Variants in VWC2 observed in about 807,000 individuals in gnomAD.
The protein encoded by VWC2 is von Willebrand factor C domain containing 2.
Under a neutral mutation model 29.8 loss-of-function variants are expected in VWC2, and 14 were observed. That is an observed-to-expected ratio of 0.47 (90% CI 0.31 to 0.74). The LOEUF (loss-of-function observed/expected upper bound fraction) is 0.74, where lower values mean the gene tolerates loss of function less well. Ranked by LOEUF, VWC2 falls within the 30% of genes least tolerant of loss-of-function variation. The pLI, the probability that VWC2 is intolerant of heterozygous loss-of-function variation, is 0.05. For synonymous variants in VWC2, 213 were observed against 199.0 expected (o/e 1.07, Z -0.59); for missense variants, 457 against 459.8 (o/e 0.99, Z 0.05).
chr7:49,884,305 A>G (rs1583751281), intron 3 of VWC2, among the ~76,000 whole-genome samples: 4 of 152,248 alleles, frequency 2.6e-5, no homozygotes, highest in Admixed American at 1.3e-4. Context: ...CCTCCTGGCC[A>G]TAGCATGGAG....
chr7:49,858,886 T>A (rs1790536121), intron 3 of VWC2, among the ~76,000 whole-genome samples: 1 of 152,218 alleles, frequency 6.6e-6, no homozygotes, highest in Non-Finnish European at 1.5e-5. Flanking sequence ...GTTTCCTTAG[T>A]ATTCTCTTCC....
intron 3 of VWC2, among the ~76,000 whole-genome samples, chr7:49,905,779 G>A (rs1229606715): frequency 1.3e-5 from 2 of 152,136 alleles, no homozygotes; most frequent in Non-Finnish European, 2.9e-5. Context: ...CAAGAAAGAG[G>A]TCGGCTCAAG....
chr7:49,780,823 T>A (rs754391189), intron 2 of VWC2, among the ~76,000 whole-genome samples: 2 of 152,202 alleles, frequency 1.3e-5, no homozygotes, highest in Non-Finnish European at 2.9e-5. Flanking sequence ...TTGGGACCAC[T>A]GAGTTAAACC....
rs1220691094 is a variant in VWC2, at chr7:49,877,481, AATATATATATATATATATATAT to A, written c.827-34537_827-34516del. On this transcript the variant is annotated intron_variant, in intron 3 of 3. Coordinates refer to ENST00000340652, the MANE Select transcript of VWC2 (RefSeq NM_198570.5). ...CTGTCTCAAAAAAAAAAAAAAAAAA[AATATATATATATATATATATAT>A]ATATATATATATATAGTTATTTGGT... 2.8e-3 allele frequency among the ~76,000 whole-genome samples: 36 copies of A among 12,722 alleles called. 2 individuals are homozygous for A. Among genetic ancestry groups the A allele is most frequent in the Non-Finnish European group, 5.0e-3 (35 of 6,948 alleles). 8.3% of individuals were successfully genotyped at this position (12,722 alleles called of 152,430 possible).
chr7:49,838,703 A>G (rs1295013816), intron 3 of VWC2, among the ~76,000 whole-genome samples: 1 of 152,174 alleles, frequency 6.6e-6, no homozygotes, highest in Non-Finnish European at 1.5e-5. Context: ...GGGACATAGT[A>G]ATAGCTACAA....
intron 1 of VWC2, among the ~76,000 whole-genome samples, chr7:49,775,030 G>A (rs897121168): frequency 6.6e-6 from 1 of 152,198 alleles, no homozygotes; most frequent in Non-Finnish European, 1.5e-5. Flanking sequence ...TTGCAGGGGG[G>A]CGCGGGCCTG....
intron 3 of VWC2, among the ~76,000 whole-genome samples, chr7:49,829,981 C>T (rs1789488741): frequency 6.6e-6 from 1 of 152,182 alleles, no homozygotes; most frequent in Admixed American, 6.5e-5. Flanking sequence ...GTACTCAGAT[C>T]TCTATTGCTG....
chr7:49,827,750 G>A (rs962037569), intron 3 of VWC2, among the ~76,000 whole-genome samples: 4 of 151,816 alleles, frequency 2.6e-5, no homozygotes. Context: ...CTCTTTTTTA[G>A]GGGACTTCTC....
intron 3 of VWC2, among the ~76,000 whole-genome samples, chr7:49,848,392 T>C (rs544413496): frequency 1.3e-5 from 2 of 152,302 alleles, no homozygotes; most frequent in East Asian, 1.9e-4. Flanking sequence ...CGCCCTGCAG[T>C]GTGTGAGAGC....
chr7:49,842,497 G>C (rs1789821522), intron 3 of VWC2, among the ~76,000 whole-genome samples: 1 of 152,134 alleles, frequency 6.6e-6, no homozygotes, highest in Non-Finnish European at 1.5e-5. Context: ...TAAGAAACTT[G>C]TGTTGAGAGT....
At chr7:49,886,315 G>C (rs1010635871) in intron 3 of VWC2, among the ~76,000 whole-genome samples, 1 of 151,356 alleles carries the variant, frequency 6.6e-6, no homozygotes, top group Non-Finnish European at 1.5e-5. Context: ...ATTTGGAAGC[G>C]CAAAATTCAC....
chr7:49,823,871 G>A (rs1301671879), intron 3 of VWC2, among the ~76,000 whole-genome samples: 4 of 152,104 alleles, frequency 2.6e-5, no homozygotes, highest in Non-Finnish European at 4.4e-5. Context: ...TTTTCATGTT[G>A]TTGATAGCCA....
intron 3 of VWC2, among the ~76,000 whole-genome samples, chr7:49,905,423 G>A (rs1404149912): frequency 6.6e-6 from 1 of 152,064 alleles, no homozygotes; most frequent in Non-Finnish European, 1.5e-5. Context: ...TAAACAAAAA[G>A]GAAGCAAATT....
At chr7:49,784,313 C>T (rs1788247486) in intron 2 of VWC2, among the ~76,000 whole-genome samples, 2 of 152,298 alleles carry the variant, frequency 1.3e-5, no homozygotes, top group East Asian at 1.9e-4. Context: ...TCTCCATTGT[C>T]TGTCATTTCA....
chr7:49,918,578 A>G lies in VWC2; in HGVS notation c.*6393A>G, dbSNP rs1431166766. On this transcript the variant is annotated 3_prime_UTR_variant, in exon 4 of 4. Transcript: ENST00000340652. The stretch of plus-strand genomic sequence containing the variant: ...CAGGTTGTTCAGGTATGATTCTCAT[A>G]TTGAAATTTACAAAATATAACCAAA... 6.6e-6 allele frequency: 1 copy of G among 152,242 alleles called. No homozygotes were observed. The highest frequency in any genetic ancestry group is 1.5e-5 in the Non-Finnish European group (1 of 68,038). 9.4% of individuals were successfully genotyped at this position (152,242 alleles called of 1,614,324 possible).
At chr7:49,797,680 A>T (rs79879967) in intron 2 of VWC2, among the ~76,000 whole-genome samples, 2,667 of 152,250 alleles carry the variant, frequency 0.018, 32 homozygotes, top group Non-Finnish European at 0.029. Context: ...AGTAGTATTC[A>T]TCTCTCTAGC....
chr7:49,787,293 A>G (rs1788320553), intron 2 of VWC2, among the ~76,000 whole-genome samples: 1 of 152,226 alleles, frequency 6.6e-6, no homozygotes, highest in Admixed American at 6.5e-5. Context: ...TGCTTTCCTC[A>G]TATCTAGCTT....
intron 3 of VWC2, among the ~76,000 whole-genome samples, chr7:49,853,043 A>G (rs1237728972): frequency 1.3e-5 from 2 of 152,218 alleles, no homozygotes; most frequent in Admixed American, 1.3e-4. Flanking sequence ...AGCTGCACCA[A>G]GGACAGAAGC....
chr7:49,861,056 C>T (rs1183716916), intron 3 of VWC2, among the ~76,000 whole-genome samples: 1 of 152,238 alleles, frequency 6.6e-6, no homozygotes, highest in Non-Finnish European at 1.5e-5. Context: ...GTTTTTAAGA[C>T]TCACCGCCCT....
Sources: allele counts gnomAD v4.1 joint callset (sites outside exome capture counted in the v4.1 genomes callset), GRCh38; gene constraint gnomAD v4.1.1; transcripts MANE v1.5; gene names NCBI Gene and HGNC (gene_info 2026-07-23, HGNC 2026-07-21).